The following TLE2 variants were observed in gnomAD, a reference collection of about 807,000 sequenced individuals.
The protein encoded by TLE2 is transducin-like enhancer protein 2.
TLE2 carries 74 observed loss-of-function variants against 97.2 expected under a neutral mutation model. The ratio of observed to expected loss-of-function variants is 0.76; its 90% CI spans 0.63 to 0.92. The LOEUF is 0.92. Among genes scored for constraint, TLE2 ranks in the 40% least tolerant of loss-of-function variants. The probability of loss-of-function intolerance (pLI) is 0.00; values close to 1 mark genes in which losing one functional copy is unlikely to be tolerated. For missense variants in TLE2, 1,038 were observed against 1,008.7 expected (o/e 1.03, Z -0.39); for synonymous variants, 499 against 432.1 (o/e 1.15, Z -1.92).
Position 3,002,518 on chromosome 19 carries a change from G to A in TLE2, c.1897-15C>T. On this transcript the variant is annotated splice_polypyrimidine_tract_variant and intron_variant, in intron 17 of 19. Coordinates refer to ENST00000262953, the MANE Select transcript of TLE2 (RefSeq NM_003260.5). Reference sequence around the variant, plus strand: ...AGGGAGAAAATCTGGGGGTAAAGAGGGAAGAGATGGGGTCACGAGCCCCTC... The same window carrying A: ...AGGGAGAAAATCTGGGGGTAAAGAGAGAAGAGATGGGGTCACGAGCCCCTC... The A allele has an allele frequency of 6.4e-7, 1 of 1,551,646 alleles. No homozygotes were observed. Among genetic ancestry groups the A allele is most frequent in the Non-Finnish European group, 8.7e-7 (1 of 1,149,484 alleles).
At chr19:3,000,824 C>CTTTTT in intron 18 of TLE2, 101 bp from the exon 19 acceptor site, 13 of 505,156 alleles carry the variant, frequency 2.6e-5, no homozygotes, top group East Asian at 7.3e-5. Context: ...TGGCCTCTCC[C>CTTTTT]TTTTTTTTTT....
intron 12 of TLE2, 39 bp from the exon 13 acceptor site, chr19:3,009,741 G>T (rs1328512469): frequency 5.7e-6 from 9 of 1,568,228 alleles, no homozygotes; most frequent in Non-Finnish European, 7.8e-6. Flanking sequence ...TGACGCCCTG[G>T]ACCCAGATCC....
chr19:3,021,581 AT>A (rs1336833533), intron 5 of TLE2, among the ~76,000 whole-genome samples: 1 of 152,014 alleles, frequency 6.6e-6, no homozygotes, highest in East Asian at 1.9e-4. Context: ...TAATAGGCTT[AT>A]TTTTATTTTT....
intron 8 of TLE2, chr19:3,015,971 C>T: frequency 1.5e-6 from 1 of 648,158 alleles, no homozygotes; most frequent in South Asian, 1.5e-5. Context: ...GAGTCTTGCT[C>T]TGCTGCCCAG....
chr19:2,999,619 C>T (rs553982504), intron 19 of TLE2, among the ~76,000 whole-genome samples: 2 of 150,706 alleles, frequency 1.3e-5, no homozygotes, highest in East Asian at 2.0e-4. Flanking sequence ...CCCAGCTACT[C>T]GGGAGGCTGA....
chr19:3,005,562 C>T lies in TLE2; in HGVS notation c.1771G>A (p.Gly591Ser), dbSNP rs750098452. ...MVRQFQGHTD[G>S]ASCIDISDYG... ...TCGGAAATATCAATGCAGCTGGCGC[C>T]GTCCGTGTGGCCCTGGAACTGCCTG... is the stretch of plus-strand genomic sequence containing the variant. The change falls in exon 17 of 20, where the codon GGC (glycine) becomes AGC (serine). Residue 591 changes from glycine to serine, a missense_variant. By Grantham distance (56) the Gly-to-Ser change is moderately conservative. Transcript: ENST00000262953. 3 of 1,613,406 alleles carry T rather than the reference C, an allele frequency of 1.9e-6. No individual in the cohort carries two copies. The highest frequency in any genetic ancestry group is 2.2e-5 in the East Asian group (1 of 44,852).
At chr19:3,029,547 C>T (rs1823320530), upstream of TLE2, 2 of 790,078 alleles carry the variant, frequency 2.5e-6, no homozygotes, top group Admixed American at 7.5e-5. Context: ...CCGTGTTACC[C>T]ACCGTGGGAG....
Position 3,019,201 on chromosome 19 carries a change from C to T in TLE2, c.550+82G>A, listed in dbSNP as rs1053300214. 6.6e-7 allele frequency: 1 copy of T among 1,510,260 alleles called. No individual in the cohort carries two copies. The allele number at this position is 1,510,260 out of a possible 1,614,324, so 93.6% of individuals were successfully genotyped here. A position where few individuals can be genotyped will look rare whatever the true frequency, so the allele number is the denominator to read the frequency against. The stretch of plus-strand genomic sequence containing the variant: ...GCATGAGCCACTTCATCCCCTCACG[C>T]TGATGTTTGCTACCCTGGACTGCCA... On this transcript the variant is annotated intron_variant, in intron 7 of 19. Coordinates refer to ENST00000262953, the MANE Select transcript of TLE2 (RefSeq NM_003260.5). This position sits in a 1 kb window ranked among gnomAD's most constrained non-coding sequence, Gnocchi z 5.1.
upstream of TLE2, among the ~76,000 whole-genome samples, chr19:3,046,617 G>A (rs552350316): frequency 2.6e-5 from 4 of 151,614 alleles, no homozygotes; most frequent in South Asian, 6.3e-4. Context: ...TGCCACCGGG[G>A]CCTGTGGGAT....
At chr19:3,029,284 G>C (rs1304744408), upstream of TLE2, 1 of 212,492 alleles carries the variant, frequency 4.7e-6, no homozygotes, top group Non-Finnish European at 7.9e-6. Context: ...GCTCGGCCGG[G>C]AGCCGCGGGC....
chr19:3,027,973 G>C lies in TLE2; in HGVS notation c.187-100C>G, dbSNP rs1005348748. Reference sequence around the variant, plus strand: ...CTTCCAAGAGTCCCCAGGTTCAGGGGAATCACAGCAGGAAGCAGAGCCCCC... The same window carrying C: ...CTTCCAAGAGTCCCCAGGTTCAGGGCAATCACAGCAGGAAGCAGAGCCCCC... On this transcript the variant is annotated intron_variant, in intron 3 of 19. Transcript: ENST00000262953. 7.3e-6 allele frequency: 9 copies of C among 1,240,576 alleles called. No homozygotes were observed. In the African/African-American group the frequency reaches 1.3e-4, roughly 19 times the overall value. The allele number at this position is 1,240,576 out of a possible 1,614,324, so 76.8% of individuals were successfully genotyped here. A position where few individuals can be genotyped will look rare whatever the true frequency, so the allele number is the denominator to read the frequency against.
In TLE2 at chr19:3,043,468, C is replaced by T. The variant is rs566594305; in HGVS notation, c.63+2258G>A. On this transcript the variant is annotated intron_variant, in intron 1 of 18. Transcript: ENST00000426948. ...CTGGGATTACAGGCGTGAGCCACCG[C>T]GCCATGCCTGGCCTCTGCAGCTTTT... Among the ~76,000 whole-genome samples the T allele has an allele frequency of 6.6e-5, 10 of 151,356 alleles. No homozygotes were observed. In the South Asian group the frequency reaches 8.3e-4, roughly 13 times the overall value.
upstream of TLE2, among the ~76,000 whole-genome samples, chr19:3,031,344 G>T (rs1043090897): frequency 6.7e-5 from 1 of 14,978 alleles, no homozygotes; most frequent in African/African-American, 1.9e-4. Context: ...AGATACAATT[G>T]TGTGTGTGTG....
chr19:2,999,098 G>T (rs190686009), intron 19 of TLE2, among the ~76,000 whole-genome samples: 1 of 151,946 alleles, frequency 6.6e-6, no homozygotes, highest in Non-Finnish European at 1.5e-5. Flanking sequence ...ACTGGCCAAC[G>T]TGGGGAATCC....
chr19:3,028,448 G>A, intron 2 of TLE2, 66 bp from the exon 3 acceptor site: 3 of 1,478,730 alleles, frequency 2.0e-6, no homozygotes, highest in Middle Eastern at 3.6e-4. Context: ...CAAAGTGAGA[G>A]GCTGGATCTC....
rs370713143 is a variant in TLE2 at position 3,006,444 on chromosome 19, C to T, written c.1476G>A (p.Thr492=). The stretch of plus-strand genomic sequence containing the variant: ...CCAGGCAGTCGAGCTGGGCCACGGG[C>T]GTCTTGGCCCCAGGCTGGCCCACGT... ...VWDVGQPGAK[T]PVAQLDCLNR... The change falls in exon 15 of 20, where the codon ACG becomes ACA. Residue 492 remains threonine (T), a synonymous_variant. Coordinates refer to ENST00000262953, the MANE Select transcript of TLE2 (RefSeq NM_003260.5). The T allele has an allele frequency of 6.8e-6, 11 of 1,610,378 alleles. No homozygotes were observed. Among genetic ancestry groups the T allele is most frequent in the African/African-American group, 5.3e-5 (4 of 74,862 alleles).
At position 3,005,530 on chromosome 19, in the gene TLE2, G is replaced by A; in HGVS notation, c.1803C>T (p.Gly601=). The change falls in exon 17 of 20, where the codon GGC becomes GGT. Residue 601 remains glycine, a synonymous_variant. Coordinates refer to ENST00000262953, the MANE Select transcript of TLE2 (RefSeq NM_003260.5). The part of the protein sequence containing the change: ...GASCIDISDY[G]TRLWTGGLDN... ...CCAGGCCCCCTGTCCAGAGCCGAGTGCCGTAATCGGAAATATCAATGCAGC... is the reference window on the plus strand; with the variant it reads ...CCAGGCCCCCTGTCCAGAGCCGAGTACCGTAATCGGAAATATCAATGCAGC... 6.2e-7 allele frequency: 1 copy of A among 1,613,698 alleles called. No homozygotes were observed. Among genetic ancestry groups the A allele is most frequent in the Non-Finnish European group, 8.5e-7 (1 of 1,179,788 alleles).
At chr19:3,001,645 GT>G (rs1317364501) in intron 18 of TLE2, among the ~76,000 whole-genome samples, 1 of 151,618 alleles carries the variant, frequency 6.6e-6, no homozygotes, top group Non-Finnish European at 1.5e-5. Context: ...CCTACTGGCT[GT>G]TTAATTTTTT....
At chr19:3,007,380 G>A (rs1599204624) in intron 14 of TLE2, among the ~76,000 whole-genome samples, 3 of 152,010 alleles carry the variant, frequency 2.0e-5, no homozygotes, top group South Asian at 2.1e-4. Context: ...ATGAGCCACC[G>A]GGCCCAGCCT....
Sources: allele counts gnomAD v4.1 joint callset (sites outside exome capture counted in the v4.1 genomes callset), GRCh38; gene constraint gnomAD v4.1.1; non-coding constraint Gnocchi (gnomAD v3.1); transcripts MANE v1.5; gene names NCBI Gene and HGNC (gene_info 2026-07-23, HGNC 2026-07-21).